ANXA1: variants seen among roughly 807,000 people sequenced by gnomAD.
ANXA1 encodes annexin I (lipocortin I).
Under a neutral mutation model 47.9 loss-of-function variants are expected in ANXA1, and 39 were observed. The observed-to-expected ratio is 0.81, with a 90% CI of 0.63 to 1.06. The LOEUF (loss-of-function observed/expected upper bound fraction) is 1.06, where lower values mean the gene tolerates loss of function less well. Ranked by LOEUF, ANXA1 falls within the 50% of genes least tolerant of loss-of-function variation. ANXA1 has a pLI of 0.00. For synonymous variants in ANXA1, 146 were observed against 142.5 expected (o/e 1.02, Z -0.17); for missense variants, 446 against 422.7 (o/e 1.06, Z -0.48).
intron 3 of ANXA1, 83 bp downstream of exon 3, chr9:73,158,886 A>G: frequency 9.3e-7 from 1 of 1,073,394 alleles, no homozygotes; most frequent in Middle Eastern, 2.0e-4. Flanking sequence ...GACATGTGCA[A>G]TGGAAAGAAT....
At position 73,170,287 on chromosome 9, in the gene ANXA1, T is replaced by C. The variant is rs192689162; in HGVS notation, c.*180T>C. On this transcript the variant is annotated 3_prime_UTR_variant, in exon 13 of 13. Coordinates refer to ENST00000257497, the MANE Select transcript of ANXA1 (RefSeq NM_000700.3). ...CTGTATAATAGAGATAAGTCCATTTTTTAAAAATGTTTTCCCCAAACCATA... is the reference window on the plus strand; with the variant it reads ...CTGTATAATAGAGATAAGTCCATTTCTTAAAAATGTTTTCCCCAAACCATA... 3.3e-5 allele frequency: 14 copies of C among 419,738 alleles called. No homozygotes were observed. The East Asian group carries it at 4.9e-4, about 15-fold the overall frequency. 26.0% of individuals were successfully genotyped at this position (419,738 alleles called of 1,614,324 possible). A position where few individuals can be genotyped will look rare whatever the true frequency, so the allele number is the denominator to read the frequency against.
In ANXA1 at chr9:73,151,914, T is replaced by C. The variant is rs1823979867; in HGVS notation, c.-25T>C. The C allele has an allele frequency of 6.6e-6, 1 of 152,148 alleles. No individual in the cohort carries two copies. The highest frequency in any genetic ancestry group is 2.4e-5 in the African/African-American group (1 of 41,424). The allele number at this position is 152,148 out of a possible 1,614,324, so 9.4% of individuals were successfully genotyped here. On this transcript the variant is annotated 5_prime_UTR_variant, in exon 1 of 13. Coordinates refer to ENST00000257497, the MANE Select transcript of ANXA1 (RefSeq NM_000700.3). Reference sequence around the variant, plus strand: ...TTCTCTTTAGTTCTTTGCAAGAAGGTAGAGATAAAGGTAAGTCTTGGTTTT... The same window carrying C: ...TTCTCTTTAGTTCTTTGCAAGAAGGCAGAGATAAAGGTAAGTCTTGGTTTT...
chr9:73,158,277 G>T (rs1202400805), intron 1 of ANXA1: 3 of 410,462 alleles, frequency 7.3e-6, no homozygotes, highest in African/African-American at 2.0e-5. Context: ...CTAAAATTTA[G>T]AACTGAATAT....
chr9:73,158,665 G>T (rs1563961614), intron 2 of ANXA1, 30 bp from the exon 3 acceptor site: 1 of 1,610,030 alleles, frequency 6.2e-7, no homozygotes, highest in Admixed American at 1.7e-5. Flanking sequence ...TAAGTAAATG[G>T]CCATTAATTT....
Position 73,158,599 on chromosome 9 carries a change from G to A in ANXA1, c.64G>A (p.Val22Ile), listed in dbSNP as rs1824086665. 1 of 1,613,150 alleles carries A rather than the reference G, an allele frequency of 6.2e-7. No homozygotes were observed. The highest frequency in any genetic ancestry group is 8.5e-7 in the Non-Finnish European group (1 of 1,179,298). ...WFIENEEQEY[V>I]QTVKSSKGGP... Reference sequence around the variant, plus strand: ...TATTGAAAATGAAGAGCAGGAATATGTTGTAAGTAGAGTGATAATAAAATT... The same window carrying A: ...TATTGAAAATGAAGAGCAGGAATATATTGTAAGTAGAGTGATAATAAAATT... Residue 22 changes from valine to isoleucine, a missense_variant and splice_region_variant, in exon 2 of 13, where the codon GTT becomes ATT. Transcript: ENST00000257497.
rs558835610 is a variant in ANXA1 at position 73,156,668 on chromosome 9, GGAAA to G, written c.-14-1851_-14-1848del. Among the ~76,000 whole-genome samples the G allele has an allele frequency of 2.9e-3, 436 of 152,308 alleles. 2 individuals carry two copies. Among genetic ancestry groups the G allele is most frequent in the African/African-American group, 0.01 (424 of 41,566 alleles). On this transcript the variant is annotated intron_variant, in intron 1 of 12. Transcript: ENST00000257497. ...CAGTTACTTTTTAGCAGGTGAAAAT[GGAAA>G]GAGTTTGTCTGAACATGCTGTTGAG...
intron 1 of ANXA1, among the ~76,000 whole-genome samples, chr9:73,156,139 A>AT (rs1563960822): frequency 7.9e-6 from 1 of 126,180 alleles, no homozygotes; most frequent in African/African-American, 3.5e-5. Context: ...AAATAATAAT[A>AT]ATAAATAATA....
At chr9:73,165,504 G>T (rs1450877471) in intron 9 of ANXA1, 12 of 147,300 alleles carry the variant, frequency 8.1e-5, no homozygotes, top group African/African-American at 3.3e-4. Context: ...ATGCATAACA[G>T]AACAAATGAA....
rs1824085432 is a variant in ANXA1 at position 73,158,545 on chromosome 9, G to T, written c.10G>T (p.Val4Leu). 6.2e-7 allele frequency: 1 copy of T among 1,613,616 alleles called. No homozygotes were observed. The highest frequency in any genetic ancestry group is 2.2e-5 in the East Asian group (1 of 44,850). The change falls in exon 2 of 13, where the codon GTA becomes TTA. Residue 4 changes from valine (V) to leucine (L), a missense_variant. Physicochemically the swap from Val to Leu is conservative, Grantham distance 32. Coordinates refer to ENST00000257497, the MANE Select transcript of ANXA1 (RefSeq NM_000700.3). The part of the protein sequence containing the change: MAM[V>L]SEFLKQAWFI... ...AGACACTTTTTCAAAAATGGCAATGGTATCAGAATTCCTCAAGCAGGCCTG... is the reference window on the plus strand; with the variant it reads ...AGACACTTTTTCAAAAATGGCAATGTTATCAGAATTCCTCAAGCAGGCCTG...
intron 10 of ANXA1, among the ~76,000 whole-genome samples, chr9:73,166,997 G>A (rs565759568): frequency 6.6e-6 from 1 of 152,100 alleles, no homozygotes; most frequent in South Asian, 2.1e-4. Context: ...TAGACACAGA[G>A]GTACATGTGC....
At chr9:73,154,653 G>A (rs2118131387) in intron 1 of ANXA1, among the ~76,000 whole-genome samples, 1 of 152,276 alleles carries the variant, frequency 6.6e-6, no homozygotes, top group East Asian at 1.9e-4. Context: ...TGGCCAGGCT[G>A]GTCTTGAACT....
At chr9:73,156,155 A>AAATAAAT (rs148128880) in intron 1 of ANXA1, among the ~76,000 whole-genome samples, 45,311 of 145,208 alleles carry the variant, frequency 0.31, 9,024 homozygotes, top group African/African-American at 0.59. Context: ...TAATATAAAT[A>AAATAAAT]AATAAATAAA....
Position 73,166,169 on chromosome 9 carries a change from T to C in ANXA1, c.779T>C (p.Ile260Thr), listed in dbSNP as rs756034897. The C allele has an allele frequency of 6.2e-7, 1 of 1,612,194 alleles. No individual in the cohort carries two copies. The highest frequency in any genetic ancestry group is 8.5e-7 in the Non-Finnish European group (1 of 1,178,860). The change falls in exon 10 of 13, where the codon ATT (isoleucine) becomes ACT (threonine). Residue 260 changes from isoleucine (I) to threonine (T), a missense_variant. Ile to Thr is a moderately conservative substitution (Grantham distance 89, BLOSUM62 -1). Coordinates refer to ENST00000257497, the MANE Select transcript of ANXA1 (RefSeq NM_000700.3). ...CTGGACCTGGAGTTGAAAGGTGACA[T>C]TGAGAAATGCCTCACAGCTATCGGT... ...KVLDLELKGD[I>T]EKCLTAIVKC...
chr9:73,162,834 T>G lies in ANXA1; in HGVS notation c.528T>G (p.Phe176Leu). The G allele has an allele frequency of 1.2e-6, 2 of 1,613,254 alleles. No homozygotes were observed. Among genetic ancestry groups the G allele is most frequent in the Non-Finnish European group, 1.7e-6 (2 of 1,179,494 alleles). The change falls in exon 7 of 13, where the codon TTT (phenylalanine) becomes TTG (leucine). Residue 176 changes from phenylalanine to leucine, a missense_variant. Physicochemically the swap from Phe to Leu is conservative, Grantham distance 22. Transcript: ENST00000257497. ...KDITSDTSGD[F>L]RNALLSLAKG... ...TAACCTCAGACACATCTGGAGATTT[T>G]CGGAACGCTTTGCTTTCTCTTGCTA... is the stretch of plus-strand genomic sequence containing the variant.
rs1824177083 is a variant in ANXA1 at position 73,163,475 on chromosome 9, G to T, written c.556-1G>T. 1 of 1,612,610 alleles carries T rather than the reference G, an allele frequency of 6.2e-7. No individual in the cohort carries two copies. The highest frequency in any genetic ancestry group is 1.3e-5 in the African/African-American group (1 of 74,814). ...TTACAATAGAATGGGATTTCTTTCA[G>T]GGTGACCGATCTGAGGACTTTGGTG... is the stretch of plus-strand genomic sequence containing the variant. On this transcript the variant is annotated splice_acceptor_variant, in intron 7 of 12. Coordinates refer to ENST00000257497, the MANE Select transcript of ANXA1 (RefSeq NM_000700.3). LOFTEE classifies it high-confidence loss of function.
intron 10 of ANXA1, 104 bp from the exon 11 acceptor site, chr9:73,167,393 G>A (rs1304638767): frequency 1.1e-5 from 11 of 985,788 alleles, no homozygotes; most frequent in African/African-American, 1.6e-5. Flanking sequence ...TGATGATGAG[G>A]GATAGAACAC....
At chr9:73,154,421 T>A in intron 1 of ANXA1, 1 of 1,223,666 alleles carries the variant, frequency 8.2e-7, no homozygotes. Flanking sequence ...TTTCTTTTCT[T>A]TTTTCTTTTC....
At chr9:73,166,822 T>C (rs769025387) in intron 10 of ANXA1, among the ~76,000 whole-genome samples, 2 of 152,180 alleles carry the variant, frequency 1.3e-5, no homozygotes, top group Non-Finnish European at 2.9e-5. Flanking sequence ...TCCCCATTGA[T>C]GCCAATGCTG....
intron 9 of ANXA1, chr9:73,165,486 G>T: frequency 5.0e-6 from 1 of 199,030 alleles, no homozygotes; most frequent in South Asian, 1.2e-4. Context: ...ATATGTGTGG[G>T]AAAAGACATG....
Sources: allele counts gnomAD v4.1 joint callset (sites outside exome capture counted in the v4.1 genomes callset), GRCh38; gene constraint gnomAD v4.1.1; transcripts MANE v1.5; gene names NCBI Gene and HGNC (gene_info 2026-07-23, HGNC 2026-07-21).